Variants in DNAH14 observed in about 807,000 individuals in gnomAD.
DNAH14 encodes dynein axonemal heavy chain 14.
DNAH14 carries 478 observed loss-of-function variants against 520.9 expected under a neutral mutation model. That is an observed-to-expected ratio of 0.92 (90% CI 0.85 to 0.99). The LOEUF (loss-of-function observed/expected upper bound fraction) is 0.99. Ranked by LOEUF, DNAH14 falls within the 50% of genes least tolerant of loss-of-function variation. The pLI is 0.00. For synonymous variants in DNAH14, 1,581 were observed against 1,757.2 expected (o/e 0.90, Z 2.51); for missense variants, 4,831 against 5,234.5 (o/e 0.92, Z 2.38).
Position 225,346,317 on chromosome 1 carries a change from G to A in DNAH14, c.11034G>A (p.Glu3678=), listed in dbSNP as rs1167352656. ...SISKEPNLEN[E]KNLLDKHIKS... ...CAAAAGAACCCAACCTGGAAAATGA[G>A]AAAAATCTCTTAGATAAGCATATTA... The change falls in exon 70 of 86, where the codon GAG becomes GAA. Residue 3678 remains glutamate, a synonymous_variant. Transcript: ENST00000682510. 1 of 1,540,118 alleles carries A rather than the reference G, an allele frequency of 6.5e-7. No individual in the cohort carries two copies. The highest frequency in any genetic ancestry group is 2.4e-5 in the East Asian group (1 of 40,882).
chr1:225,007,583 T>C (rs2064280613), intron 10 of DNAH14, 39 bp downstream of exon 10: 3 of 1,440,164 alleles, frequency 2.1e-6, no homozygotes, highest in Non-Finnish European at 2.8e-6. Flanking sequence ...AAAGTTGCAA[T>C]TTACTAGCTG....
intron 8 of DNAH14, among the ~76,000 whole-genome samples, chr1:224,976,781 C>A (rs576249898): frequency 8.3e-4 from 126 of 151,854 alleles, no homozygotes; most frequent in Non-Finnish European, 1.3e-3. Context: ...ATCAAAACCA[C>A]AATGAGATAC....
chr1:225,217,225 G>T (rs1402426685), intron 41 of DNAH14, among the ~76,000 whole-genome samples: 7 of 152,178 alleles, frequency 4.6e-5, no homozygotes, highest in Non-Finnish European at 8.8e-5. Flanking sequence ...AGCAAATATT[G>T]CAGAACAGCA....
intron 41 of DNAH14, among the ~76,000 whole-genome samples, chr1:225,219,082 G>A (rs1245011950): frequency 6.6e-6 from 1 of 151,200 alleles, no homozygotes; most frequent in East Asian, 1.9e-4. Flanking sequence ...TTATTAGCTA[G>A]GTAAATAACA....
intron 58 of DNAH14, among the ~76,000 whole-genome samples, chr1:225,306,126 T>A (rs1231918): frequency 6.6e-6 from 1 of 152,092 alleles, no homozygotes; most frequent in Non-Finnish European, 1.5e-5. Flanking sequence ...ATTTGTGTGC[T>A]GCAGGCAAGT....
intron 17 of DNAH14, among the ~76,000 whole-genome samples, chr1:225,062,734 G>T (rs1234064320): frequency 1.3e-5 from 2 of 152,128 alleles, no homozygotes; most frequent in African/African-American, 4.8e-5. Flanking sequence ...ATTCAGTGTG[G>T]ACCCCAAATG....
At chr1:225,141,373 A>T (rs189831715) in intron 28 of DNAH14, among the ~76,000 whole-genome samples, 1 of 151,486 alleles carries the variant, frequency 6.6e-6, no homozygotes, top group Non-Finnish European at 1.5e-5. Flanking sequence ...CTCATTTATA[A>T]ATTAAGCTTT....
intron 9 of DNAH14, 43 bp from the exon 10 acceptor site, chr1:225,007,367 TGAA>T: frequency 7.2e-7 from 1 of 1,398,454 alleles, no homozygotes; most frequent in Non-Finnish European, 9.4e-7. Flanking sequence ...TTTTTAAATA[TGAA>T]TTTTGACTTT....
At chr1:225,158,028 C>T (rs2081200997) in intron 34 of DNAH14, among the ~76,000 whole-genome samples, 1 of 152,086 alleles carries the variant, frequency 6.6e-6, no homozygotes, top group Non-Finnish European at 1.5e-5. Context: ...TCAAAATAAC[C>T]TGAAGAGAAG....
At chr1:225,194,847 G>A (rs908787563) in intron 38 of DNAH14, among the ~76,000 whole-genome samples, 1 of 151,858 alleles carries the variant, frequency 6.6e-6, no homozygotes, top group Non-Finnish European at 1.5e-5. Flanking sequence ...TAAAAAGTGG[G>A]CAAAGGATAT....
chr1:224,935,789 T>C (rs970276524), intron 1 of DNAH14, among the ~76,000 whole-genome samples: 9 of 152,000 alleles, frequency 5.9e-5, no homozygotes, highest in South Asian at 4.1e-4. Flanking sequence ...TGGAATGTTC[T>C]CTAGGACAGA....
intron 17 of DNAH14, among the ~76,000 whole-genome samples, chr1:225,063,929 A>C (rs1001566628): frequency 2.0e-5 from 3 of 152,050 alleles, no homozygotes; most frequent in African/African-American, 7.2e-5. Flanking sequence ...AAAAAAGAAA[A>C]AAAAAAGAAA....
At chr1:224,937,279 T>C (rs78611099) in intron 1 of DNAH14, among the ~76,000 whole-genome samples, 6,332 of 152,006 alleles carry the variant, frequency 0.042, 213 homozygotes, top group Non-Finnish European at 0.061. Context: ...TGTTTGCAAA[T>C]GTCATGATCT....
chr1:225,147,257 T>C lies in DNAH14; in HGVS notation c.4940+8T>C. 1 of 1,539,934 alleles carries C rather than the reference T, an allele frequency of 6.5e-7. No homozygotes were observed. The highest frequency in any genetic ancestry group is 8.7e-7 in the Non-Finnish European group (1 of 1,143,940). ...AGACAACTATTCTGCCAGGTATTTG[T>C]CGAATGTGTTTATACCTTTTGAATT... is the stretch of plus-strand genomic sequence containing the variant. On this transcript the variant is annotated splice_region_variant and intron_variant, in intron 31 of 85. Transcript: ENST00000682510.
intron 17 of DNAH14, among the ~76,000 whole-genome samples, chr1:225,074,589 CT>C (rs903137570): frequency 2.6e-5 from 4 of 152,120 alleles, no homozygotes; most frequent in African/African-American, 9.7e-5. Flanking sequence ...GTTTTCTAAT[CT>C]CTATCACATG....
At chr1:225,356,991 G>A (rs1045015462) in intron 73 of DNAH14, among the ~76,000 whole-genome samples, 4 of 152,092 alleles carry the variant, frequency 2.6e-5, no homozygotes, top group Non-Finnish European at 5.9e-5. Flanking sequence ...AACTAAGTTA[G>A]TTATTTAAAA....
In DNAH14 at chr1:225,277,435, A is replaced by G. The variant is rs1176348837; in HGVS notation, c.8204A>G (p.Lys2735Arg). The G allele has an allele frequency of 6.4e-6, 3 of 470,560 alleles. No homozygotes were observed. In the Admixed American group the frequency reaches 7.0e-5, roughly 11 times the overall value. 29.1% of individuals were successfully genotyped at this position (470,560 alleles called of 1,614,324 possible). A position where few individuals can be genotyped will look rare whatever the true frequency, so the allele number is the denominator to read the frequency against. The part of the protein sequence containing the change: ...LELSHSMVFF[K>R]EAIEHIIRAT... ...CTTTCTCATTCCATGGTGTTCTTCA[A>G]GGAAGCCATAGAACACATCATAAGA... Residue 2735 changes from lysine (K) to arginine (R), a missense_variant, in exon 54 of 86, where the codon AAG (lysine) becomes AGG (arginine). Transcript: ENST00000682510.
At chr1:225,150,702 T>A (rs1330393107) in intron 31 of DNAH14, among the ~76,000 whole-genome samples, 1 of 151,798 alleles carries the variant, frequency 6.6e-6, no homozygotes, top group Non-Finnish European at 1.5e-5. Context: ...TTCATAATAT[T>A]ATCTGATGGT....
intron 23 of DNAH14, 91 bp downstream of exon 23, chr1:225,100,975 G>A (rs2075394473): frequency 1.8e-6 from 2 of 1,082,342 alleles, no homozygotes; most frequent in African/African-American, 1.7e-5. Context: ...GCTAATTCCA[G>A]TGCAGATTTT....
Sources: gnomAD v4.1 joint callset for allele counts (sites outside exome capture counted in the v4.1 genomes callset) on GRCh38, gnomAD v4.1.1 for gene constraint, MANE v1.5 for transcripts, NCBI Gene and HGNC (gene_info 2026-07-23, HGNC 2026-07-21) for gene names.